IL20RB: variants seen among roughly 807,000 people sequenced by gnomAD.
IL20RB encodes the protein interleukin 20 receptor subunit beta, also known as interleukin-20 receptor subunit beta.
Under a neutral mutation model 33.3 loss-of-function variants are expected in IL20RB, and 21 were observed. The ratio of observed to expected loss-of-function variants is 0.63; its 90% CI spans 0.45 to 0.91. The LOEUF (loss-of-function observed/expected upper bound fraction) is 0.91. IL20RB is among the 40% of genes least tolerant of loss of function. The pLI, the probability that IL20RB is intolerant of heterozygous loss-of-function variation, is 0.00. For missense variants in IL20RB, 345 were observed against 384.8 expected (o/e 0.90, Z 0.86); for synonymous variants, 147 against 146.8 (o/e 1.00, Z -0.01).
chr3:137,009,522 A>G (rs1933029030), intron 6 of IL20RB, among the ~76,000 whole-genome samples: 1 of 152,022 alleles, frequency 6.6e-6, no homozygotes, highest in Admixed American at 6.6e-5. Flanking sequence ...TCTGTGGTGG[A>G]AGAAGGTTAG....
At chr3:136,985,204 T>C (rs13063556) in intron 3 of IL20RB, among the ~76,000 whole-genome samples, 152,233 of 152,274 alleles carry the variant, frequency 1, 76,096 homozygotes, top group Non-Finnish European at 1. Flanking sequence ...GCTGGGATGG[T>C]GTCATGATCT....
intron 3 of IL20RB, among the ~76,000 whole-genome samples, chr3:136,987,423 C>G (rs1265942373): frequency 6.6e-6 from 1 of 152,192 alleles, no homozygotes; most frequent in East Asian, 1.9e-4. Flanking sequence ...TGTTTACAAA[C>G]TTGAGCTAGA....
intron 3 of IL20RB, among the ~76,000 whole-genome samples, chr3:136,987,911 G>A (rs1319034118): frequency 1.3e-5 from 2 of 151,290 alleles, no homozygotes; most frequent in African/African-American, 2.4e-5. Context: ...ACGCCCACCC[G>A]GAACTCCAGC....
At chr3:136,987,623 C>A (rs1007590216) in intron 3 of IL20RB, among the ~76,000 whole-genome samples, 1 of 152,154 alleles carries the variant, frequency 6.6e-6, no homozygotes, top group African/African-American at 2.4e-5. Flanking sequence ...TGGGACTGGG[C>A]GCCGTGGAGC....
At chr3:136,963,685 T>A (rs1249295082) in intron 1 of IL20RB, among the ~76,000 whole-genome samples, 4 of 91,972 alleles carry the variant, frequency 4.3e-5, no homozygotes, top group Admixed American at 1.2e-4. Flanking sequence ...TTCTTTTTTT[T>A]TTTTTTTATT....
chr3:136,979,919 A>C (rs1941725259), intron 1 of IL20RB, among the ~76,000 whole-genome samples: 1 of 152,206 alleles, frequency 6.6e-6, no homozygotes, highest in Non-Finnish European at 1.5e-5. Flanking sequence ...GTTTTCCATG[A>C]ATGATTAAGA....
rs1941356641 is a variant in IL20RB at position 136,966,564 on chromosome 3, G to A, written c.88+8363G>A. Among the ~76,000 whole-genome samples, 2 of 89,912 alleles carry A rather than the reference G, an allele frequency of 2.2e-5. 1 individual carries two copies. The allele number at this position is 89,912 out of a possible 152,430, so 59.0% of individuals were successfully genotyped here. On this transcript the variant is annotated intron_variant, in intron 1 of 6. Coordinates refer to ENST00000329582, the MANE Select transcript of IL20RB (RefSeq NM_144717.4). The stretch of plus-strand genomic sequence containing the variant: ...GATATCCCCTTTATCATTTTTTATT[G>A]TGTCTATTTGATTCTTTTCTCTTTT...
chr3:136,998,716 T>C (rs1446702705), intron 6 of IL20RB, among the ~76,000 whole-genome samples: 1 of 152,174 alleles, frequency 6.6e-6, no homozygotes, highest in Non-Finnish European at 1.5e-5. Context: ...AAAGATGGCA[T>C]CTTGCTATGT....
intron 1 of IL20RB, 152 bp from the exon 2 acceptor site, chr3:136,980,314 C>A: frequency 1.2e-5 from 9 of 745,104 alleles, no homozygotes; most frequent in Non-Finnish European, 1.6e-5. Context: ...GAGACAGAGT[C>A]TCATTCTGTT....
rs139933382 is a variant in IL20RB at position 137,002,111 on chromosome 3, T to C, written c.825+6555T>C. On this transcript the variant is annotated intron_variant, in intron 6 of 6. Coordinates refer to ENST00000329582, the MANE Select transcript of IL20RB (RefSeq NM_144717.4). ...CCTGCAAAGGACATGAACTTGTCCT[T>C]TTTTATGGCTGCATAGTATTCCATG... Among the ~76,000 whole-genome samples the C allele has an allele frequency of 3.4e-4, 52 of 152,294 alleles. 2 individuals are homozygous for C. The East Asian group carries it at 9.8e-3, about 29-fold the overall frequency.
intron 3 of IL20RB, among the ~76,000 whole-genome samples, chr3:136,983,946 C>A (rs932856223): frequency 6.6e-6 from 1 of 152,188 alleles, no homozygotes; most frequent in Non-Finnish European, 1.5e-5. Context: ...AAGCGATCCT[C>A]CTGCCTCAGG....
chr3:136,996,321 C>T (rs529538154), intron 6 of IL20RB, among the ~76,000 whole-genome samples: 2 of 152,190 alleles, frequency 1.3e-5, no homozygotes, highest in Admixed American at 1.3e-4. Flanking sequence ...CCACACAAAG[C>T]AGTGCAATAA....
At chr3:136,975,542 T>G (rs750788117) in intron 1 of IL20RB, among the ~76,000 whole-genome samples, 1 of 152,186 alleles carries the variant, frequency 6.6e-6, no homozygotes, top group Non-Finnish European at 1.5e-5. Context: ...TTTCACCATG[T>G]TAGCCAGGAT....
At chr3:136,983,830 T>C (rs1369765794) in intron 3 of IL20RB, among the ~76,000 whole-genome samples, 1 of 152,056 alleles carries the variant, frequency 6.6e-6, no homozygotes, top group Non-Finnish European at 1.5e-5. Context: ...CAAAGTGGTT[T>C]TGTTTGTTTG....
chr3:137,001,800 A>G (rs945000601), intron 6 of IL20RB, among the ~76,000 whole-genome samples: 2 of 152,154 alleles, frequency 1.3e-5, no homozygotes, highest in African/African-American at 2.4e-5. Flanking sequence ...ATTATACTTT[A>G]AGTTCTAGGG....
At chr3:137,008,862 A>T (rs1933005954) in intron 6 of IL20RB, among the ~76,000 whole-genome samples, 1 of 152,224 alleles carries the variant, frequency 6.6e-6, no homozygotes, top group Non-Finnish European at 1.5e-5. Flanking sequence ...TTACTTTTAA[A>T]ATGTGCTACG....
intron 1 of IL20RB, among the ~76,000 whole-genome samples, chr3:136,961,421 C>T (rs1454398769): frequency 2.0e-5 from 3 of 151,416 alleles, no homozygotes; most frequent in South Asian, 2.1e-4. Context: ...AGCTAAATTC[C>T]GTGACTTCAC....
intron 1 of IL20RB, among the ~76,000 whole-genome samples, chr3:136,962,541 C>G (rs903965100): frequency 2.6e-5 from 4 of 152,096 alleles, no homozygotes; most frequent in Admixed American, 2.6e-4. Context: ...ATCACGAGGT[C>G]AGGAGATCGA....
At chr3:136,999,322 C>T (rs777639186) in intron 6 of IL20RB, among the ~76,000 whole-genome samples, 14 of 152,158 alleles carry the variant, frequency 9.2e-5, no homozygotes, top group Admixed American at 2.0e-4. Context: ...GTCTTGAACT[C>T]CTGGCTCAAG....
Sources: gnomAD v4.1 joint callset for allele counts (sites outside exome capture counted in the v4.1 genomes callset) on GRCh38, gnomAD v4.1.1 for gene constraint, MANE v1.5 for transcripts, NCBI Gene and HGNC (gene_info 2026-07-23, HGNC 2026-07-21) for gene names.